CDK11A: variants seen among roughly 807,000 people sequenced by gnomAD.
CDK11A encodes the protein cyclin dependent kinase 11A, also known as cyclin-dependent kinase 11A.
A neutral mutation model predicts 83.6 loss-of-function variants in CDK11A; 55 were observed. That is an observed-to-expected ratio of 0.66 (90% CI 0.53 to 0.82). The LOEUF (loss-of-function observed/expected upper bound fraction) is 0.82. Ranked by LOEUF, CDK11A falls within the 40% of genes least tolerant of loss-of-function variation. The probability of loss-of-function intolerance (pLI) is 0.00; values close to 1 mark genes in which losing one functional copy is unlikely to be tolerated. For synonymous variants in CDK11A, 247 were observed against 302.7 expected, an observed-to-expected ratio of 0.82 and a Z score of 1.91; for missense variants, 564 against 810.1, an observed-to-expected ratio of 0.70 and a Z score of 3.69.
chr1:1,713,053 G>A (rs1343807935), intron 5 of CDK11A, among the ~76,000 whole-genome samples: 1 of 37,988 alleles, frequency 2.6e-5, no homozygotes, highest in African/African-American at 4.5e-5. Context: ...GCGCAATCTC[G>A]GCTCACTGCA....
chr1:1,719,499 C>T (rs1298001721), intron 3 of CDK11A, 44 bp from the exon 4 acceptor site: 20 of 1,361,952 alleles, frequency 1.5e-5, no homozygotes, highest in East Asian at 1.4e-4. Flanking sequence ...TGAGAAAGTG[C>T]GGAAAAGCAT....
chr1:1,717,502 C>T (rs1170127363), intron 4 of CDK11A, among the ~76,000 whole-genome samples: 3 of 151,354 alleles, frequency 2.0e-5, no homozygotes, highest in African/African-American at 7.3e-5. Flanking sequence ...GAATTCAGGT[C>T]ATTTTAAATG....
chr1:1,721,944 C>CA, intron 2 of CDK11A: 1 of 427,826 alleles, frequency 2.3e-6, no homozygotes, highest in Non-Finnish European at 4.2e-6. Context: ...GAGGTCAGGA[C>CA]ATTAAGACCA....
chr1:1,704,991 C>T lies in CDK11A; in HGVS notation c.1371G>A (p.Glu457=). Residue 457 remains glutamate, a synonymous_variant, in exon 13 of 20, where the codon GAG becomes GAA. Transcript: ENST00000404249. ...TGATCGGGAAGCCCTCCTTCTCCTT[C>T]TCCATCTTCAGCCGCTTTAGAGCCA... ...EIVALKRLKM[E]KEKEGFPITS... is the part of the protein sequence containing the mutation. 1 of 1,598,796 alleles carries T rather than the reference C, an allele frequency of 6.3e-7. No homozygotes were observed. The highest frequency in any genetic ancestry group is 8.5e-7 in the Non-Finnish European group (1 of 1,174,014).
In CDK11A at chr1:1,704,379, C is replaced by T. The variant is rs562202808; in HGVS notation, c.1565-35G>A. 206 of 1,604,234 alleles carry T rather than the reference C, an allele frequency of 1.3e-4. 5 individuals are homozygous for T. The highest frequency in any genetic ancestry group is 5.4e-4 in the East Asian group (24 of 44,560). ...AGGGAGGCTCCCATGTGGACCCGGC[C>T]GCCCCAAGCCCAGGGCACTCAGGGT... On this transcript the variant is annotated intron_variant, in intron 14 of 19. Coordinates refer to ENST00000404249, the MANE Select transcript of CDK11A (RefSeq NM_024011.4).
chr1:1,702,713 C>T lies in CDK11A; in HGVS notation c.*194G>A, dbSNP rs1345075598. 1.5e-3 allele frequency: 919 copies of T among 622,744 alleles called. 2 individuals are homozygous for T. In the East Asian group the frequency reaches 0.022, roughly 15 times the overall value. 38.6% of individuals were successfully genotyped at this position (622,744 alleles called of 1,614,324 possible). A position where few individuals can be genotyped will look rare whatever the true frequency, so the allele number is the denominator to read the frequency against. ...CACCCGAAGATGCCCTGGCAAGTCACGGAGAAAACACAGCTCTTTCCTCCA... is the reference window on the plus strand; with the variant it reads ...CACCCGAAGATGCCCTGGCAAGTCATGGAGAAAACACAGCTCTTTCCTCCA... On this transcript the variant is annotated 3_prime_UTR_variant, in exon 20 of 20. Coordinates refer to ENST00000404249, the MANE Select transcript of CDK11A (RefSeq NM_024011.4).
intron 10 of CDK11A, among the ~76,000 whole-genome samples, 188 bp from the exon 11 acceptor site, chr1:1,707,772 A>AG (rs1297702542): frequency 7.2e-6 from 1 of 138,294 alleles, no homozygotes; most frequent in Non-Finnish European, 1.5e-5. Flanking sequence ...GCTGAGACAG[A>AG]GCCCGGATGC....
rs1206785126 is a variant in CDK11A, at chr1:1,704,351, G to A, written c.1565-7C>T. 1 of 1,607,282 alleles carries A rather than the reference G, an allele frequency of 6.2e-7. No individual in the cohort carries two copies. Among genetic ancestry groups the A allele is most frequent in the Middle Eastern group, 1.8e-4 (1 of 5,428 alleles). On this transcript the variant is annotated splice_polypyrimidine_tract_variant and splice_region_variant and intron_variant, in intron 14 of 19. Transcript: ENST00000404249. ...ATCAGGGTCTTCACCTCCCCTGGGA[G>A]GGAGGGAGGCTCCCATGTGGACCCG... is the stretch of plus-strand genomic sequence containing the variant.
At chr1:1,715,250 T>G (rs1352122024) in intron 5 of CDK11A, among the ~76,000 whole-genome samples, 1 of 125,470 alleles carries the variant, frequency 8.0e-6, no homozygotes, top group African/African-American at 2.7e-5. Context: ...CATGCGGTCC[T>G]CTGGCCTTAG....
At position 1,703,224 on chromosome 1, in the gene CDK11A, G is replaced by GAT; in HGVS notation, c.2105_2106insAT (p.Leu703SerfsTer31). ...TCTCGCGGAAATACTCATGCTTGAG[G>GAT]CCGTCCTCAGCGCTGATCCTCCTCC... is the stretch of plus-strand genomic sequence containing the variant. On this transcript the variant is annotated frameshift_variant, in exon 19 of 20. Transcript: ENST00000404249. LOFTEE classifies it high-confidence loss of function. 4.5e-6 allele frequency: 2 copies of GAT among 448,266 alleles called. No individual in the cohort carries two copies. The highest frequency in any genetic ancestry group is 4.7e-5 in the South Asian group (2 of 42,362). The allele number at this position is 448,266 out of a possible 1,614,324, so 27.8% of individuals were successfully genotyped here. A position where few individuals can be genotyped will look rare whatever the true frequency, so the allele number is the denominator to read the frequency against.
intron 9 of CDK11A, among the ~76,000 whole-genome samples, 162 bp from the exon 10 acceptor site, chr1:1,708,407 G>A (rs1331386495): frequency 3.3e-5 from 5 of 150,066 alleles, no homozygotes; most frequent in South Asian, 2.1e-4. Context: ...TTGGGAGGCC[G>A]AGGCGGGTGG....
chr1:1,704,835 C>T (rs2179381), intron 13 of CDK11A, 69 bp downstream of exon 13: 780,823 of 1,604,034 alleles, frequency 0.49, 214,533 homozygotes, highest in Non-Finnish European at 0.53. Flanking sequence ...GCACCCGGCC[C>T]CAGGACAGCA....
rs1644797544 is a variant in CDK11A, at chr1:1,719,107, T to C, written c.355+221A>G. 1.3e-5 allele frequency: 4 copies of C among 306,790 alleles called. No homozygotes were observed. In the South Asian group the frequency reaches 2.5e-4, roughly 19 times the overall value. The allele number at this position is 306,790 out of a possible 1,614,324, so 19.0% of individuals were successfully genotyped here. On this transcript the variant is annotated intron_variant, in intron 4 of 19. Transcript: ENST00000404249. ...TCTGTGACGCACACATGCTTTCAGC[T>C]AGAGTTTGCTCTCTATAGCCCCTCT...
intron 5 of CDK11A, among the ~76,000 whole-genome samples, chr1:1,716,034 C>G (rs1644626176): frequency 6.6e-6 from 1 of 150,806 alleles, no homozygotes; most frequent in African/African-American, 2.4e-5. Context: ...TCAAGGGATC[C>G]AACCACCTCA....
intron 4 of CDK11A, among the ~76,000 whole-genome samples, chr1:1,718,590 G>GTC (rs1644772094): frequency 6.7e-6 from 1 of 149,002 alleles, no homozygotes; most frequent in Admixed American, 6.8e-5. Flanking sequence ...TCTCTCTATA[G>GTC]CCATTCTGAA....
At chr1:1,707,387 C>T (rs2235533) in intron 11 of CDK11A, 22 bp downstream of exon 11, 14 of 1,604,002 alleles carry the variant, frequency 8.7e-6, no homozygotes, top group South Asian at 7.8e-5. Flanking sequence ...GACAGCGGCC[C>T]GGGGCGAGGG....
rs568553222 is a variant in CDK11A, at chr1:1,716,505, A to G, written c.356-27T>C. The G allele has an allele frequency of 5.6e-6, 9 of 1,602,150 alleles. No individual in the cohort carries two copies. The African/African-American group carries it at 9.5e-5, about 17-fold the overall frequency. ...TAATGAGAAATAAAGTGTCATGCAAAGAAACCTCACTTCAAAAATTTCACG... is the reference window on the plus strand; with the variant it reads ...TAATGAGAAATAAAGTGTCATGCAAGGAAACCTCACTTCAAAAATTTCACG... On this transcript the variant is annotated intron_variant, in intron 4 of 19. Transcript: ENST00000404249.
chr1:1,706,838 C>T (rs370104181), intron 11 of CDK11A, among the ~76,000 whole-genome samples: 2 of 150,212 alleles, frequency 1.3e-5, no homozygotes, highest in South Asian at 4.3e-4. Flanking sequence ...CCTCTCCGCC[C>T]ACAGGCACCA....
In CDK11A at chr1:1,721,718, A is replaced by T; in HGVS notation, c.112-7T>A. ...TGGAATCCCGGTCATCAGACTAAGAAGCAAAGAGAAAGTTAATCATTTTCT... is the reference window on the plus strand; with the variant it reads ...TGGAATCCCGGTCATCAGACTAAGATGCAAAGAGAAAGTTAATCATTTTCT... On this transcript the variant is annotated splice_region_variant and splice_polypyrimidine_tract_variant and intron_variant, in intron 2 of 19. Transcript: ENST00000404249. 4 of 1,557,098 alleles carry T rather than the reference A, an allele frequency of 2.6e-6. No homozygotes were observed. Among genetic ancestry groups the T allele is most frequent in the Non-Finnish European group, 3.5e-6 (4 of 1,135,918 alleles).
Sources: gnomAD v4.1 joint callset for allele counts (sites outside exome capture counted in the v4.1 genomes callset) on GRCh38, gnomAD v4.1.1 for gene constraint, MANE v1.5 for transcripts, NCBI Gene and HGNC (gene_info 2026-07-23, HGNC 2026-07-21) for gene names.